The following CAMK4 variants were observed in gnomAD, a reference collection of about 807,000 sequenced individuals.
CAMK4 encodes calcium/calmodulin dependent protein kinase IV, also known as calcium/calmodulin-dependent protein kinase type IV.
CAMK4 carries 22 observed loss-of-function variants against 44.9 expected under a neutral mutation model. The ratio of observed to expected loss-of-function variants is 0.49; its 90% confidence interval spans 0.35 to 0.70. CAMK4 has a LOEUF of 0.70. CAMK4 is among the 30% of genes least tolerant of loss of function. The pLI, the probability that CAMK4 is intolerant of heterozygous loss-of-function variation, is 0.01. For synonymous variants in CAMK4, 218 were observed against 215.4 expected, an observed-to-expected ratio of 1.01 and a Z score of -0.11; for missense variants, 498 against 586.8, an observed-to-expected ratio of 0.85 and a Z score of 1.56.
chr5:111,328,066 T>C (rs1404823834), intron 1 of CAMK4, among the ~76,000 whole-genome samples: 1 of 121,004 alleles, frequency 8.3e-6, no homozygotes, highest in South Asian at 2.6e-4. Flanking sequence ...TTTGGTGTTT[T>C]AGACATGAAG....
chr5:111,371,861 A>T (rs748568542), intron 2 of CAMK4, among the ~76,000 whole-genome samples: 2 of 152,248 alleles, frequency 1.3e-5, no homozygotes, highest in East Asian at 3.9e-4. Flanking sequence ...ACTTTCCTTC[A>T]AATTATATCA....
chr5:111,308,116 G>A (rs1171717828), intron 1 of CAMK4, among the ~76,000 whole-genome samples: 2 of 117,618 alleles, frequency 1.7e-5, no homozygotes, highest in Non-Finnish European at 3.4e-5. Flanking sequence ...CGGGGGAGGG[G>A]GGAGGGATAG....
intron 1 of CAMK4, among the ~76,000 whole-genome samples, chr5:111,318,471 C>T (rs897617274): frequency 2.0e-5 from 3 of 152,126 alleles, no homozygotes; most frequent in African/African-American, 7.2e-5. Flanking sequence ...GTTTTATTCC[C>T]TAATGACTTT....
At chr5:111,335,190 A>G (rs924998483) in intron 1 of CAMK4, among the ~76,000 whole-genome samples, 1 of 151,510 alleles carries the variant, frequency 6.6e-6, no homozygotes, top group East Asian at 2.0e-4. Flanking sequence ...CTTCCCTCAA[A>G]TAATCACAAA....
At chr5:111,259,423 C>T (rs1381983153) in intron 1 of CAMK4, among the ~76,000 whole-genome samples, 2 of 152,108 alleles carry the variant, frequency 1.3e-5, no homozygotes, top group Non-Finnish European at 2.9e-5. Flanking sequence ...TGATTTTAAC[C>T]CAAGTTCCCT....
chr5:111,303,849 G>GGTC (rs1214959958), intron 1 of CAMK4, among the ~76,000 whole-genome samples: 1 of 138,536 alleles, frequency 7.2e-6, no homozygotes, highest in African/African-American at 3.1e-5. Flanking sequence ...CAGAGAGAAA[G>GGTC]GTCGGGTTAC....
intron 7 of CAMK4, among the ~76,000 whole-genome samples, chr5:111,452,529 A>T (rs1754272828): frequency 6.6e-6 from 1 of 152,004 alleles, no homozygotes; most frequent in Non-Finnish European, 1.5e-5. Flanking sequence ...TACCACTCTC[A>T]TGTCAGAAAT....
At chr5:111,344,256 G>T (rs1055331608) in intron 2 of CAMK4, among the ~76,000 whole-genome samples, 154 bp downstream of exon 2, 2 of 151,804 alleles carry the variant, frequency 1.3e-5, no homozygotes, top group Non-Finnish European at 2.9e-5. Context: ...ATAGGTTGTT[G>T]TCTGGTGGAA....
intron 2 of CAMK4, among the ~76,000 whole-genome samples, chr5:111,350,633 G>A (rs896732788): frequency 2.0e-4 from 30 of 151,690 alleles, no homozygotes; most frequent in East Asian, 9.7e-4. Flanking sequence ...ATAGAAAAAC[G>A]GTTCCAGGTC....
chr5:111,441,387 C>T (rs1484216971), intron 5 of CAMK4, among the ~76,000 whole-genome samples: 1 of 152,056 alleles, frequency 6.6e-6, no homozygotes, highest in East Asian at 1.9e-4. Flanking sequence ...ATTGTGCATC[C>T]CTGACTCCTA....
chr5:111,331,493 G>C (rs1390175929), intron 1 of CAMK4, among the ~76,000 whole-genome samples: 2 of 151,726 alleles, frequency 1.3e-5, no homozygotes, highest in African/African-American at 4.8e-5. Context: ...GGAATGAAAT[G>C]GTACAACCAC....
intron 4 of CAMK4, among the ~76,000 whole-genome samples, chr5:111,379,818 A>G (rs1009353897): frequency 1.3e-5 from 2 of 152,146 alleles, no homozygotes; most frequent in Admixed American, 6.6e-5. Flanking sequence ...TTAATTAGCA[A>G]AAAATCTATT....
chr5:111,273,725 A>G (rs1277007295), intron 1 of CAMK4, among the ~76,000 whole-genome samples: 4 of 26,318 alleles, frequency 1.5e-4, no homozygotes, highest in Non-Finnish European at 3.2e-4. Context: ...ATATACACAC[A>G]CATACATACA....
intron 4 of CAMK4, among the ~76,000 whole-genome samples, chr5:111,387,339 C>T (rs899882378): frequency 6.6e-6 from 1 of 152,070 alleles, no homozygotes; most frequent in African/African-American, 2.4e-5. Context: ...GAGATGCCAG[C>T]TAAATTGTAT....
intron 4 of CAMK4, among the ~76,000 whole-genome samples, chr5:111,388,189 G>T (rs1293126889): frequency 6.6e-6 from 1 of 152,178 alleles, no homozygotes; most frequent in Non-Finnish European, 1.5e-5. Context: ...ACACTGAAAT[G>T]AGGTGGGGAG....
At chr5:111,396,763 C>T (rs1752028857) in intron 5 of CAMK4, among the ~76,000 whole-genome samples, 1 of 150,526 alleles carries the variant, frequency 6.6e-6, no homozygotes, top group African/African-American at 2.5e-5. Context: ...GCCTCAGCCT[C>T]CCAAGTAGCT....
At chr5:111,278,968 C>T (rs1301124679) in intron 1 of CAMK4, among the ~76,000 whole-genome samples, 1 of 152,104 alleles carries the variant, frequency 6.6e-6, no homozygotes, top group African/African-American at 2.4e-5. Context: ...GGTAGGGTAC[C>T]GCAATACAAC....
intron 5 of CAMK4, among the ~76,000 whole-genome samples, chr5:111,398,671 A>G (rs1308866924): frequency 1.3e-5 from 2 of 152,090 alleles, no homozygotes; most frequent in African/African-American, 2.4e-5. Context: ...ACATTCCCAC[A>G]TTTCCGTCTT....
At chr5:111,252,982 T>G (rs1214266178) in intron 1 of CAMK4, among the ~76,000 whole-genome samples, 1 of 152,192 alleles carries the variant, frequency 6.6e-6, no homozygotes, top group Non-Finnish European at 1.5e-5. Flanking sequence ...GATAGAGGGC[T>G]CAGGCTGTCA....
Sources: gnomAD v4.1 joint callset for allele counts (sites outside exome capture counted in the v4.1 genomes callset) on GRCh38, gnomAD v4.1.1 for gene constraint, MANE v1.5 for transcripts, NCBI Gene and HGNC (gene_info 2026-07-23, HGNC 2026-07-21) for gene names.